Variants in METAP2 observed in about 807,000 individuals in gnomAD.
METAP2 encodes the protein methionine aminopeptidase 2.
In METAP2, 25 loss-of-function variants were observed where a neutral mutation model predicts 59.4. That is an observed-to-expected ratio of 0.42 (90% confidence interval 0.31 to 0.59). The LOEUF (loss-of-function observed/expected upper bound fraction) is 0.59. Ranked by LOEUF, METAP2 falls within the 20% of genes least tolerant of loss-of-function variation. The pLI is 0.16. For missense variants in METAP2, 366 were observed against 581.2 expected, an observed-to-expected ratio of 0.63 and a Z score of 3.81; for synonymous variants, 214 against 194.1, an observed-to-expected ratio of 1.10 and a Z score of -0.85.
chr12:95,485,905 G>A lies in METAP2; in HGVS notation c.352G>A (p.Val118Ile), dbSNP rs148941453. 1 of 1,579,806 alleles carries A rather than the reference G, an allele frequency of 6.3e-7. No individual in the cohort carries two copies. Among genetic ancestry groups the A allele is most frequent in the Non-Finnish European group, 8.6e-7 (1 of 1,167,736 alleles). Residue 118 changes from valine (V) to isoleucine (I), a missense_variant, in exon 4 of 11, where the codon GTT becomes ATT. This residue lies in a region of METAP2 where 177 missense variants were observed against 180.3 expected (regional missense o/e 0.98). Transcript: ENST00000323666. ...AAAAGTTCAAACAGACCCTCCCTCA[G>A]TTCCAATATGTGACCTGTATCCTAA... ...GPKVQTDPPS[V>I]PICDLYPNGV...
chr12:95,483,947 G>A (rs921905041), intron 3 of METAP2, among the ~76,000 whole-genome samples: 2 of 151,970 alleles, frequency 1.3e-5, no homozygotes, highest in African/African-American at 2.4e-5. Flanking sequence ...TATATTGTAC[G>A]ATCAGATTTG....
In METAP2 at chr12:95,483,268, A is replaced by G; in HGVS notation, c.313A>G (p.Lys105Glu). The change falls in exon 3 of 11, where the codon AAG (lysine) becomes GAG (glutamate). Residue 105 changes from lysine to glutamate, a missense_variant. This residue lies in a region of METAP2 where 177 missense variants were observed against 180.3 expected (regional missense o/e 0.98). Transcript: ENST00000323666. ...ATGKKKKKKKKKRGPKVQTDP... is the reference protein window; with the variant it reads ...ATGKKKKKKKEKRGPKVQTDP... Reference sequence around the variant, plus strand: ...TGGAAAGAAGAAGAAAAAGAAGAAGAAGAAGAGAGGACGTTAGTGTCTTAA... The same window carrying G: ...TGGAAAGAAGAAGAAAAAGAAGAAGGAGAAGAGAGGACGTTAGTGTCTTAA... 6.2e-7 allele frequency: 1 copy of G among 1,611,092 alleles called. No homozygotes were observed. The highest frequency in any genetic ancestry group is 1.1e-5 in the South Asian group (1 of 91,020).
At chr12:95,478,122 C>T (rs568640722) in intron 2 of METAP2, among the ~76,000 whole-genome samples, 1 of 151,976 alleles carries the variant, frequency 6.6e-6, no homozygotes, top group East Asian at 1.9e-4. Context: ...CACCTCCCCC[C>T]ACCCCCCAAA....
intron 7 of METAP2, among the ~76,000 whole-genome samples, chr12:95,502,703 C>CAT (rs1207460538): frequency 1.3e-5 from 2 of 151,942 alleles, no homozygotes; most frequent in African/African-American, 4.8e-5. Flanking sequence ...TTCCATAATG[C>CAT]ATATATTGGT....
intron 6 of METAP2, among the ~76,000 whole-genome samples, chr12:95,495,429 C>T (rs1438166966): frequency 1.3e-5 from 2 of 151,788 alleles, no homozygotes; most frequent in Non-Finnish European, 2.9e-5. Flanking sequence ...ATTATCCTAC[C>T]TTTCTTTAGG....
chr12:95,483,257 AAAAG>A lies in METAP2; in HGVS notation c.305_308del (p.Lys102ArgfsTer56). The A allele has an allele frequency of 6.2e-7, 1 of 1,612,418 alleles. No homozygotes were observed. Among genetic ancestry groups the A allele is most frequent in the Non-Finnish European group, 8.5e-7 (1 of 1,178,444 alleles). On this transcript the variant is annotated frameshift_variant, in exon 3 of 11. Transcript: ENST00000323666. LOFTEE classifies it high-confidence loss of function. Reference sequence around the variant, plus strand: ...GATGGAGCAACTGGAAAGAAGAAGAAAAAGAAGAAGAAGAAGAGAGGACGTTAGT... The same window carrying A: ...GATGGAGCAACTGGAAAGAAGAAGAAAAGAAGAAGAAGAGAGGACGTTAGT...
At position 95,482,511 on chromosome 12, in the gene METAP2, G is replaced by A. The variant is rs1461596895; in HGVS notation, c.260-704G>A. Among the ~76,000 whole-genome samples the A allele has an allele frequency of 2.6e-5, 4 of 152,084 alleles. No individual in the cohort carries two copies. The East Asian group carries it at 7.7e-4, about 29-fold the overall frequency. Reference sequence around the variant, plus strand: ...TGGTGATTTTGAGGCTGGGTACAGTGGCTCACGCCTATAATCCCAGGACTT... The same window carrying A: ...TGGTGATTTTGAGGCTGGGTACAGTAGCTCACGCCTATAATCCCAGGACTT... On this transcript the variant is annotated intron_variant, in intron 2 of 10. Transcript: ENST00000323666.
chr12:95,474,235 A>G lies in METAP2; in HGVS notation c.56A>G (p.Asp19Gly), dbSNP rs917601026. The part of the protein sequence containing the change: ...ASGSHLNGDL[D>G]PDDREEGAAS... ...GGGAGCCACCTGAATGGCGACCTGGATCCAGACGACAGGGAAGAAGGAGCT... is the reference window on the plus strand; with the variant it reads ...GGGAGCCACCTGAATGGCGACCTGGGTCCAGACGACAGGGAAGAAGGAGCT... Residue 19 changes from aspartate to glycine, a missense_variant, in exon 1 of 11, where the codon GAT becomes GGT. By Grantham distance (94) the Asp-to-Gly change is moderately conservative (BLOSUM62 -1). This residue lies in a region of METAP2 where 177 missense variants were observed against 180.3 expected (regional missense o/e 0.98). Coordinates refer to ENST00000323666, the MANE Select transcript of METAP2 (RefSeq NM_006838.4). 1.9e-6 allele frequency: 3 copies of G among 1,614,222 alleles called. No homozygotes were observed. The highest frequency in any genetic ancestry group is 1.1e-5 in the South Asian group (1 of 91,084).
intron 4 of METAP2, among the ~76,000 whole-genome samples, chr12:95,488,044 C>T (rs994312497): frequency 6.6e-6 from 1 of 152,042 alleles, no homozygotes; most frequent in Admixed American, 6.6e-5. Context: ...TTCTGAAATA[C>T]GTTTTTAGGA....
At chr12:95,512,063 G>T in intron 9 of METAP2, 65 bp downstream of exon 9, 2 of 1,163,918 alleles carry the variant, frequency 1.7e-6, no homozygotes. Context: ...AGAAGGTCAT[G>T]GTAGTTAAAT....
chr12:95,475,723 A>G (rs1351823087), intron 1 of METAP2, among the ~76,000 whole-genome samples: 6 of 152,082 alleles, frequency 3.9e-5, no homozygotes, highest in Admixed American at 3.9e-4. Flanking sequence ...TCTTTTTCCT[A>G]AGGCCTTCAG....
chr12:95,484,221 C>G (rs995136493), intron 3 of METAP2, among the ~76,000 whole-genome samples: 1 of 151,792 alleles, frequency 6.6e-6, no homozygotes, highest in South Asian at 2.1e-4. Flanking sequence ...TAGTGATTCC[C>G]CTGGTCTCCA....
At chr12:95,494,880 T>C (rs938792355) in intron 5 of METAP2, 77 bp from the exon 6 acceptor site, 5 of 1,194,912 alleles carry the variant, frequency 4.2e-6, no homozygotes, top group Non-Finnish European at 3.4e-6. Flanking sequence ...CTTTCTGGAC[T>C]TGATGAACTA....
intron 1 of METAP2, among the ~76,000 whole-genome samples, chr12:95,474,782 A>G (rs1446280290): frequency 6.6e-6 from 1 of 152,074 alleles, no homozygotes; most frequent in Admixed American, 6.6e-5. Context: ...GGGCAAATGT[A>G]ATGGAGAGCA....
At chr12:95,489,099 G>A (rs2076219177) in intron 4 of METAP2, among the ~76,000 whole-genome samples, 2 of 152,078 alleles carry the variant, frequency 1.3e-5, no homozygotes, top group Admixed American at 6.6e-5. Context: ...TTTTGTTAGT[G>A]ATGTGAATTA....
At chr12:95,503,976 A>C in intron 7 of METAP2, 89 bp from the exon 8 acceptor site, 1 of 918,038 alleles carries the variant, frequency 1.1e-6, no homozygotes, top group Admixed American at 2.2e-5. Flanking sequence ...AGTTTTTCTG[A>C]TTGTCCCTTG....
intron 8 of METAP2, among the ~76,000 whole-genome samples, chr12:95,506,957 C>CT (rs527735893): frequency 0.03 from 4,350 of 146,842 alleles, 200 homozygotes; most frequent in African/African-American, 0.1. Flanking sequence ...AATTTTTGGA[C>CT]TTTTTTTTTT....
At chr12:95,493,986 A>G in intron 4 of METAP2, 70 bp from the exon 5 acceptor site, 6 of 1,278,782 alleles carry the variant, frequency 4.7e-6, no homozygotes, top group Non-Finnish European at 6.7e-6. Context: ...CTTGTTACTT[A>G]GTATAGTTGT....
At chr12:95,486,073 T>A in intron 4 of METAP2, 92 bp downstream of exon 4, 1 of 868,162 alleles carries the variant, frequency 1.2e-6, no homozygotes, top group South Asian at 1.7e-5. Context: ...TTTGCTCCAC[T>A]ACTTTAATAA....
Sources: allele counts gnomAD v4.1 joint callset (sites outside exome capture counted in the v4.1 genomes callset), GRCh38; gene constraint gnomAD v4.1.1; regional missense constraint gnomAD v4.1.1; transcripts MANE v1.5; gene names NCBI Gene and HGNC (gene_info 2026-07-23, HGNC 2026-07-21).